The following MAPK4 variants were observed in gnomAD, a reference collection of about 807,000 sequenced individuals.
The protein encoded by MAPK4 is mitogen-activated protein kinase 4.
MAPK4 carries 22 observed loss-of-function variants against 47.7 expected under a neutral mutation model. The ratio of observed to expected loss-of-function variants is 0.46; its 90% CI spans 0.33 to 0.66. The LOEUF (loss-of-function observed/expected upper bound fraction) is 0.66. Among genes scored for constraint, MAPK4 ranks in the 30% least tolerant of loss-of-function variants. MAPK4 has a pLI of 0.02. For missense variants in MAPK4, 736 were observed against 831.7 expected, an observed-to-expected ratio of 0.88 and a Z score of 1.42; for synonymous variants, 390 against 365.7, an observed-to-expected ratio of 1.07 and a Z score of -0.76.
chr18:50,649,454 A>G (rs199567478), intron 1 of MAPK4, among the ~76,000 whole-genome samples: 4 of 152,124 alleles, frequency 2.6e-5, no homozygotes, highest in Non-Finnish European at 4.4e-5. Flanking sequence ...GCCACGCTCA[A>G]TGACAACATC....
intron 1 of MAPK4, among the ~76,000 whole-genome samples, chr18:50,575,807 A>AAAAAAAAAAAT (rs2042291077): frequency 6.6e-6 from 1 of 151,874 alleles, no homozygotes; most frequent in African/African-American, 2.4e-5. Context: ...AAAAAAAAAA[A>AAAAAAAAAAAT]AAAAAACCAT....
At chr18:50,570,361 G>A (rs546954463) in intron 1 of MAPK4, among the ~76,000 whole-genome samples, 4 of 152,336 alleles carry the variant, frequency 2.6e-5, no homozygotes, top group African/African-American at 9.6e-5. Flanking sequence ...AGTCACAGGA[G>A]TGCTACCTGG....
At position 50,664,219 on chromosome 18, in the gene MAPK4, G is replaced by A; in HGVS notation, c.261G>A (p.Lys87=). The part of the protein sequence containing the change: ...IVKVYEVLGP[K]GTDLQGELFK... ...AAGTGTACGAGGTGCTCGGTCCCAAGGGCACTGACCTGCAGGGTGAGCTGT... is the reference window on the plus strand; with the variant it reads ...AAGTGTACGAGGTGCTCGGTCCCAAAGGCACTGACCTGCAGGGTGAGCTGT... Residue 87 remains lysine, a synonymous_variant, in exon 2 of 6, where the codon AAG becomes AAA. Transcript: ENST00000400384. The surrounding 1 kb of genome is among the most constrained non-coding windows in gnomAD (Gnocchi z 6.0). The A allele has an allele frequency of 6.2e-7, 1 of 1,614,080 alleles. No homozygotes were observed. The highest frequency in any genetic ancestry group is 8.5e-7 in the Non-Finnish European group (1 of 1,180,032).
intron 2 of MAPK4, among the ~76,000 whole-genome samples, chr18:50,692,646 T>G (rs1274399200): frequency 6.6e-6 from 1 of 152,126 alleles, no homozygotes; most frequent in African/African-American, 2.4e-5. Context: ...CCTCAATAAA[T>G]ATGAGCTGTT....
At chr18:50,646,844 C>CA (rs1568060688) in intron 1 of MAPK4, among the ~76,000 whole-genome samples, 2 of 152,178 alleles carry the variant, frequency 1.3e-5, no homozygotes, top group African/African-American at 4.8e-5. Context: ...GACCCTTGCC[C>CA]ACCTCCTGGA....
intron 2 of MAPK4, among the ~76,000 whole-genome samples, chr18:50,676,893 T>A (rs933734553): frequency 6.6e-6 from 1 of 152,292 alleles, no homozygotes. Context: ...TAACTAAACA[T>A]TTTTTTAAAA....
At chr18:50,620,457 A>G (rs1367866375) in intron 1 of MAPK4, among the ~76,000 whole-genome samples, 1 of 152,240 alleles carries the variant, frequency 6.6e-6, no homozygotes, top group Non-Finnish European at 1.5e-5. Flanking sequence ...TTTAATGTGT[A>G]TCTTCATGTG....
chr18:50,601,210 T>A (rs1162978474), intron 1 of MAPK4, among the ~76,000 whole-genome samples: 3 of 151,474 alleles, frequency 2.0e-5, no homozygotes, highest in African/African-American at 4.9e-5. Context: ...GGCGCGTGCC[T>A]GTGGTCTCAG....
chr18:50,607,556 G>A (rs865900256), intron 1 of MAPK4, among the ~76,000 whole-genome samples: 3 of 152,180 alleles, frequency 2.0e-5, no homozygotes, highest in African/African-American at 2.4e-5. Flanking sequence ...CCAGAAAAGC[G>A]CTGCTCTGAG....
At chr18:50,647,302 G>A (rs1322249222) in intron 1 of MAPK4, among the ~76,000 whole-genome samples, 1 of 152,178 alleles carries the variant, frequency 6.6e-6, no homozygotes, top group South Asian at 2.1e-4. Context: ...TATTGAAAAT[G>A]GTCTGTAAGC....
At chr18:50,568,670 GC>G (rs1424543763) in intron 1 of MAPK4, among the ~76,000 whole-genome samples, 1 of 152,148 alleles carries the variant, frequency 6.6e-6, no homozygotes, top group African/African-American at 2.4e-5. Flanking sequence ...ACTTTGTGGT[GC>G]AAGTTAATTT....
chr18:50,700,475 A>C (rs1458516595), intron 2 of MAPK4, among the ~76,000 whole-genome samples: 2 of 152,236 alleles, frequency 1.3e-5, no homozygotes, highest in Non-Finnish European at 1.5e-5. Context: ...CATATATTTC[A>C]GTTTTGCAAA....
intron 1 of MAPK4, among the ~76,000 whole-genome samples, chr18:50,572,870 A>G (rs1007917766): frequency 6.6e-6 from 1 of 152,192 alleles, no homozygotes; most frequent in Non-Finnish European, 1.5e-5. Context: ...AATTATCACC[A>G]CCAAAAGCAA....
At chr18:50,614,618 C>T (rs2042668032) in intron 1 of MAPK4, among the ~76,000 whole-genome samples, 1 of 152,166 alleles carries the variant, frequency 6.6e-6, no homozygotes, top group Non-Finnish European at 1.5e-5. Context: ...TAAATATGTA[C>T]ACCTACTACA....
Position 50,663,071 on chromosome 18 carries a change from A to G in MAPK4, c.-870-18A>G, listed in dbSNP as rs548144863. The G allele has an allele frequency of 1.3e-5, 2 of 152,338 alleles. No individual in the cohort carries two copies. Among genetic ancestry groups the G allele is most frequent in the South Asian group, 4.1e-4 (2 of 4,824 alleles). 9.4% of individuals were successfully genotyped at this position (152,338 alleles called of 1,614,324 possible). Reference sequence around the variant, plus strand: ...AAGCCGGAGTGTGGAAATTTACCCAACGTTATTTCTTTGACAGGGAAGGAG... The same window carrying G: ...AAGCCGGAGTGTGGAAATTTACCCAGCGTTATTTCTTTGACAGGGAAGGAG... On this transcript the variant is annotated intron_variant, in intron 1 of 5. Coordinates refer to ENST00000400384, the MANE Select transcript of MAPK4 (RefSeq NM_002747.4).
At chr18:50,693,031 G>A (rs1473193527) in intron 2 of MAPK4, among the ~76,000 whole-genome samples, 1 of 152,154 alleles carries the variant, frequency 6.6e-6, no homozygotes, top group Admixed American at 6.5e-5. Context: ...TGAGATGGGT[G>A]GATCACTTGA....
intron 1 of MAPK4, among the ~76,000 whole-genome samples, chr18:50,609,647 T>C (rs1298596050): frequency 6.6e-6 from 1 of 152,160 alleles, no homozygotes; most frequent in African/African-American, 2.4e-5. Flanking sequence ...TTGATTGTAT[T>C]AATGTCCCTA....
At chr18:50,647,215 T>A (rs1370207894) in intron 1 of MAPK4, among the ~76,000 whole-genome samples, 1 of 152,242 alleles carries the variant, frequency 6.6e-6, no homozygotes, top group Non-Finnish European at 1.5e-5. Context: ...TCCATGGGGT[T>A]ACCAAACAAT....
At chr18:50,576,203 C>T (rs550851717) in intron 1 of MAPK4, among the ~76,000 whole-genome samples, 8 of 152,148 alleles carry the variant, frequency 5.3e-5, no homozygotes, top group East Asian at 1.9e-4. Context: ...ATATGTTCAT[C>T]GCAGTACTAT....
Sources: gnomAD v4.1 joint callset for allele counts (sites outside exome capture counted in the v4.1 genomes callset) on GRCh38, gnomAD v4.1.1 for gene constraint, Gnocchi (gnomAD v3.1) non-coding constraint, MANE v1.5 for transcripts, NCBI Gene and HGNC (gene_info 2026-07-23, HGNC 2026-07-21) for gene names.